FHIT: variants seen among roughly 807,000 people sequenced by gnomAD.
FHIT encodes the protein fragile histidine triad diadenosine triphosphatase, also known as bis(5'-adenosyl)-triphosphatase.
A neutral mutation model predicts 17.9 loss-of-function variants in FHIT; 19 were observed. The observed-to-expected ratio is 1.06, with a 90% CI of 0.74 to 1.56. The LOEUF (loss-of-function observed/expected upper bound fraction) is 1.56, where lower values mean the gene tolerates loss of function less well. FHIT is among the 40% of genes most tolerant of loss of function. The pLI is 0.00. For synonymous variants in FHIT, 81 were observed against 69.7 expected, an observed-to-expected ratio of 1.16 and a Z score of -0.81; for missense variants, 248 against 189.2, an observed-to-expected ratio of 1.31 and a Z score of -1.82.
intron 4 of FHIT, among the ~76,000 whole-genome samples, chr3:60,537,235 C>T (rs241697): frequency 0.52 from 79,067 of 151,676 alleles, 21,041 homozygotes; most frequent in East Asian, 0.61. Flanking sequence ...AATAAAACAG[C>T]TTTTCCCCTT....
intron 5 of FHIT, among the ~76,000 whole-genome samples, chr3:60,329,442 A>T (rs1001908790): frequency 1.3e-5 from 2 of 152,224 alleles, no homozygotes; most frequent in Non-Finnish European, 2.9e-5. Flanking sequence ...CAAATAGAGA[A>T]TATTGTTCAA....
chr3:60,182,412 G>A (rs964879027), intron 5 of FHIT, among the ~76,000 whole-genome samples: 5 of 152,114 alleles, frequency 3.3e-5, no homozygotes, highest in African/African-American at 7.2e-5. Context: ...GGCAGCAGAC[G>A]CTCTCCTTCA....
intron 4 of FHIT, among the ~76,000 whole-genome samples, chr3:60,664,588 G>A (rs2040338523): frequency 6.6e-6 from 1 of 151,542 alleles, no homozygotes; most frequent in Non-Finnish European, 1.5e-5. Context: ...TAATTCTCCA[G>A]TGAAACAATG....
intron 2 of FHIT, among the ~76,000 whole-genome samples, chr3:61,186,931 G>A (rs1393635608): frequency 6.6e-6 from 1 of 152,140 alleles, no homozygotes; most frequent in Admixed American, 6.5e-5. Context: ...GAGGAGGCCT[G>A]CTATGTTTTG....
At chr3:60,569,725 C>CTATATATATATATATATATATACA (rs2037285808) in intron 4 of FHIT, among the ~76,000 whole-genome samples, 2 of 39,122 alleles carry the variant, frequency 5.1e-5, no homozygotes, top group African/African-American at 2.0e-4. Context: ...TTTATTAATA[C>CTATATATATATATATATATATACA]TATATATATA....
intron 5 of FHIT, among the ~76,000 whole-genome samples, chr3:60,222,549 C>T (rs1348830550): frequency 2.6e-5 from 4 of 151,996 alleles, no homozygotes; most frequent in Middle Eastern, 3.4e-3. Context: ...CCAGCACTTT[C>T]GGAGGTTGAG....
At chr3:60,813,588 A>C (rs1457246314) in intron 4 of FHIT, among the ~76,000 whole-genome samples, 6 of 152,160 alleles carry the variant, frequency 3.9e-5, no homozygotes, top group African/African-American at 1.4e-4. Context: ...ACTTAGCAGC[A>C]GTTATACTGA....
chr3:60,813,893 A>G (rs1382241866), intron 4 of FHIT, among the ~76,000 whole-genome samples: 1 of 151,952 alleles, frequency 6.6e-6, no homozygotes, highest in Non-Finnish European at 1.5e-5. Flanking sequence ...AGTTTGTCTG[A>G]TATTATTATA....
At chr3:60,480,467 C>A (rs1370446419) in intron 5 of FHIT, among the ~76,000 whole-genome samples, 1 of 152,156 alleles carries the variant, frequency 6.6e-6, no homozygotes, top group Non-Finnish European at 1.5e-5. Context: ...AAGTTCACAT[C>A]CAAAATCTCA....
intron 2 of FHIT, among the ~76,000 whole-genome samples, chr3:61,198,665 T>C (rs1315896826): frequency 6.6e-6 from 1 of 152,130 alleles, no homozygotes; most frequent in African/African-American, 2.4e-5. Context: ...GTTTTCCTAA[T>C]ACCTACAAAA....
chr3:59,915,835 G>C (rs566190727), intron 8 of FHIT, among the ~76,000 whole-genome samples: 2 of 152,144 alleles, frequency 1.3e-5, no homozygotes, highest in African/African-American at 4.8e-5. Context: ...AGGAGGCTGA[G>C]GCAGGAGGAT....
chr3:60,822,768 C>T (rs781809817), intron 3 of FHIT, among the ~76,000 whole-genome samples: 1 of 152,066 alleles, frequency 6.6e-6, no homozygotes, highest in Non-Finnish European at 1.5e-5. Context: ...CCCCATGACC[C>T]ACCTTACTTG....
chr3:60,672,259 G>A (rs1324057088), intron 4 of FHIT, among the ~76,000 whole-genome samples: 1 of 152,098 alleles, frequency 6.6e-6, no homozygotes, highest in Non-Finnish European at 1.5e-5. Context: ...CAACATGGCT[G>A]TTTATTTCAC....
intron 5 of FHIT, among the ~76,000 whole-genome samples, chr3:60,170,806 G>T (rs534108529): frequency 6.6e-6 from 1 of 152,050 alleles, no homozygotes; most frequent in African/African-American, 2.4e-5. Flanking sequence ...TTATGAACAG[G>T]TAATCTATAT....
chr3:60,209,765 T>C (rs1480258759), intron 5 of FHIT, among the ~76,000 whole-genome samples: 1 of 152,092 alleles, frequency 6.6e-6, no homozygotes, highest in Non-Finnish European at 1.5e-5. Flanking sequence ...TAAAAAGGAA[T>C]GAGATCATGT....
At chr3:60,716,278 CAT>C (rs1361769150) in intron 4 of FHIT, among the ~76,000 whole-genome samples, 1 of 152,012 alleles carries the variant, frequency 6.6e-6, no homozygotes, top group Admixed American at 6.6e-5. Context: ...CACACACACA[CAT>C]GCAAAAAACC....
In FHIT at chr3:60,083,158, G is replaced by T. The variant is rs908102579; in HGVS notation, c.104-69006C>A. ...TTTTTGTATATGGTGAAAGGTAGGGGTCCAGTTTCTTTCTTGTGCATATAG... is the reference window on the plus strand; with the variant it reads ...TTTTTGTATATGGTGAAAGGTAGGGTTCCAGTTTCTTTCTTGTGCATATAG... On this transcript the variant is annotated intron_variant, in intron 5 of 9. Transcript: ENST00000492590. 5.3e-5 allele frequency among the ~76,000 whole-genome samples: 8 copies of T among 152,056 alleles called. 1 individual carries two copies. The highest frequency in any genetic ancestry group is 5.2e-4 in the Admixed American group (8 of 15,246).
intron 5 of FHIT, among the ~76,000 whole-genome samples, chr3:60,107,589 A>G (rs542842993): frequency 6.6e-6 from 1 of 152,296 alleles, no homozygotes; most frequent in African/African-American, 2.4e-5. Context: ...TATTTGCTCT[A>G]TCCCATTAGA....
chr3:60,770,703 C>T (rs1553722841), intron 4 of FHIT, among the ~76,000 whole-genome samples: 1 of 152,202 alleles, frequency 6.6e-6, no homozygotes, highest in Non-Finnish European at 1.5e-5. Context: ...AAGCCCAGTT[C>T]TAAGAAAATG....
Sources: allele counts gnomAD v4.1 joint callset (sites outside exome capture counted in the v4.1 genomes callset), GRCh38; gene constraint gnomAD v4.1.1; transcripts MANE v1.5; gene names NCBI Gene and HGNC (gene_info 2026-07-23, HGNC 2026-07-21).